Variants in WDPCP observed in about 807,000 individuals in gnomAD.
WDPCP encodes the protein WD repeat containing planar cell polarity effector.
Under a neutral mutation model 93.1 loss-of-function variants are expected in WDPCP, and 71 were observed. That is an observed-to-expected ratio of 0.76 (90% CI 0.63 to 0.93). The LOEUF (loss-of-function observed/expected upper bound fraction) is 0.93. WDPCP is among the 40% of genes least tolerant of loss of function. WDPCP has a pLI of 0.00. For missense variants in WDPCP, 844 were observed against 887.4 expected (o/e 0.95, Z 0.62); for synonymous variants, 315 against 315.0 (o/e 1.00, Z 0.00).
In WDPCP at chr2:63,346,848, A is replaced by C. The variant is rs77240280; in HGVS notation, c.1748+31538T>G. On this transcript the variant is annotated intron_variant, in intron 12 of 17. Transcript: ENST00000272321. ...CTCTCTGGTCTAGAAAGTGCCTCTC[A>C]TCATAAAACCAGAGGATCATAAGGT... 1.1e-3 allele frequency among the ~76,000 whole-genome samples: 166 copies of C among 152,332 alleles called. 1 individual carries two copies. The highest frequency in any genetic ancestry group is 3.8e-3 in the African/African-American group (159 of 41,580).
chr2:63,657,666 T>G lies in WDPCP; in HGVS notation n.309-6828A>C, dbSNP rs184835644. On this transcript the variant is annotated intron_variant and non_coding_transcript_variant, in intron 2 of 4. Transcript: ENST00000467687. ...GTGGTAAGCGGGCGGATTTGAGATA[T>G]ACTGGCATTTCCCACTTACTGTCAT... is the stretch of plus-strand genomic sequence containing the variant. Among the ~76,000 whole-genome samples the G allele has an allele frequency of 1.4e-4, 22 of 152,314 alleles. 1 individual carries two copies. The highest frequency in any genetic ancestry group is 1.2e-3 in the Admixed American group (18 of 15,304).
At chr2:63,434,694 C>T (rs749528994) in intron 8 of WDPCP, among the ~76,000 whole-genome samples, 12 of 152,020 alleles carry the variant, frequency 7.9e-5, no homozygotes, top group African/African-American at 2.7e-4. Flanking sequence ...CAGCAATAAT[C>T]GAACCACTTT....
intron 14 of WDPCP, among the ~76,000 whole-genome samples, chr2:63,258,878 A>ACAAT (rs1681363102): frequency 1.3e-5 from 2 of 152,294 alleles, no homozygotes; most frequent in South Asian, 4.1e-4. Context: ...CTAAACAAAA[A>ACAAT]CAATCACCCA....
At position 63,676,704 on chromosome 2, in the gene WDPCP, C is replaced by T. The variant is rs185999545; in HGVS notation, n.309-25866G>A. On this transcript the variant is annotated intron_variant and non_coding_transcript_variant, in intron 2 of 4. Coordinates refer to the WDPCP transcript ENST00000467687. ...GATGGGTATGGCTATAAAGGAATAA[C>T]ACAGGGAGTGACGGTATAGTTGAGT... Among the ~76,000 whole-genome samples, 1,372 of 152,186 alleles carry T rather than the reference C, an allele frequency of 9.0e-3. 19 individuals carry two copies. The highest frequency in any genetic ancestry group is 0.03 in the African/African-American group (1,264 of 41,534).
chr2:63,588,818 A>C, upstream of WDPCP: 1 of 610,260 alleles, frequency 1.6e-6, no homozygotes, highest in East Asian at 2.8e-5. Flanking sequence ...CTTGAAAAAA[A>C]CCTCTGGTAT....
intron 14 of WDPCP, among the ~76,000 whole-genome samples, chr2:63,213,604 G>A (rs1677038481): frequency 6.6e-6 from 1 of 151,966 alleles, no homozygotes; most frequent in Non-Finnish European, 1.5e-5. Context: ...GCGAGCACAA[G>A]GCAAGAAATA....
chr2:63,808,236 A>G (rs1670795553), intron 2 of WDPCP, among the ~76,000 whole-genome samples: 1 of 152,216 alleles, frequency 6.6e-6, no homozygotes, highest in Non-Finnish European at 1.5e-5. Flanking sequence ...AGTTGCTCAA[A>G]TTATAAAACA....
intron 12 of WDPCP, among the ~76,000 whole-genome samples, chr2:63,376,999 TA>T (rs541043852): frequency 1.3e-3 from 195 of 151,922 alleles, no homozygotes; most frequent in South Asian, 7.9e-3. Context: ...TTTTGGCAGT[TA>T]AAAATAGTTA....
chr2:63,488,807 G>C (rs1448962665), intron 2 of WDPCP, among the ~76,000 whole-genome samples: 1 of 151,682 alleles, frequency 6.6e-6, no homozygotes, highest in Non-Finnish European at 1.5e-5. Flanking sequence ...CATAACTCTA[G>C]AATAGAACTA....
At chr2:63,599,491 C>T (rs1709382280) in intron 3 of WDPCP, 2 of 407,536 alleles carry the variant, frequency 4.9e-6, no homozygotes, top group Non-Finnish European at 8.5e-6. Context: ...GGACCAGAGG[C>T]TGGACTTCCT....
chr2:63,326,346 G>A (rs892253653), intron 12 of WDPCP, among the ~76,000 whole-genome samples: 1 of 152,136 alleles, frequency 6.6e-6, no homozygotes, highest in South Asian at 2.1e-4. Flanking sequence ...ATATGTTGAT[G>A]GAGGTTCGTT....
chr2:63,299,563 T>G (rs1275002903), intron 13 of WDPCP, among the ~76,000 whole-genome samples: 1 of 152,186 alleles, frequency 6.6e-6, no homozygotes, highest in Non-Finnish European at 1.5e-5. Flanking sequence ...GAAGGCAGGC[T>G]TCACATTTGG....
At chr2:63,585,525 T>C (rs1198348111) in intron 1 of WDPCP, among the ~76,000 whole-genome samples, 1 of 152,202 alleles carries the variant, frequency 6.6e-6, no homozygotes, top group African/African-American at 2.4e-5. Flanking sequence ...AATCCTATTT[T>C]CAATCACACT....
intron 13 of WDPCP, among the ~76,000 whole-genome samples, chr2:63,307,593 T>C (rs10183579): frequency 0.8 from 121,902 of 152,130 alleles, 49,704 homozygotes; most frequent in East Asian, 0.96. Flanking sequence ...ACATCTACAA[T>C]CATTTGATCT....
In WDPCP at chr2:63,381,968, A is replaced by C; in HGVS notation, c.1562T>G (p.Phe521Cys). 5 of 1,613,558 alleles carry C rather than the reference A, an allele frequency of 3.1e-6. No individual in the cohort carries two copies. In the South Asian group the frequency reaches 5.5e-5, roughly 18 times the overall value. ...GTTTACAATGGCGCTCATGCTGATA[A>C]AGCACTGGTGGCCCAGAGTGTCCCA... The part of the protein sequence containing the change: ...MNWDTLGHQC[F>C]ISMSAIVNHL... The change falls in exon 11 of 18, where the codon TTT (phenylalanine) becomes TGT (cysteine). Residue 521 changes from phenylalanine to cysteine, a missense_variant. By Grantham distance (205) the Phe-to-Cys change is radical (BLOSUM62 -2). Transcript: ENST00000272321.
chr2:63,643,970 A>G (rs934792048), intron 3 of WDPCP: 2 of 483,744 alleles, frequency 4.1e-6, no homozygotes, highest in Non-Finnish European at 4.2e-6. Context: ...AGGAGTAAAC[A>G]CACCAATCAA....
chr2:63,414,096 T>C (rs1189154517), intron 9 of WDPCP, among the ~76,000 whole-genome samples: 1 of 151,988 alleles, frequency 6.6e-6, no homozygotes, highest in African/African-American at 2.4e-5. Context: ...TCACTAATGA[T>C]CAGGGAAATG....
intron 13 of WDPCP, among the ~76,000 whole-genome samples, chr2:63,299,675 G>A (rs1685178624): frequency 6.6e-6 from 1 of 152,138 alleles, no homozygotes; most frequent in South Asian, 2.1e-4. Flanking sequence ...TCTTTGTAAT[G>A]TCCTCAACTT....
At chr2:63,366,024 G>A (rs889603430) in intron 12 of WDPCP, among the ~76,000 whole-genome samples, 1 of 152,094 alleles carries the variant, frequency 6.6e-6, no homozygotes, top group East Asian at 1.9e-4. Context: ...CTACTCAAAG[G>A]TGCCTGATAA....
Sources: gnomAD v4.1 joint callset for allele counts (sites outside exome capture counted in the v4.1 genomes callset) on GRCh38, gnomAD v4.1.1 for gene constraint, MANE v1.5 for transcripts, NCBI Gene and HGNC (gene_info 2026-07-23, HGNC 2026-07-21) for gene names.